Variants in CPS1 observed in about 807,000 individuals in gnomAD.
CPS1 encodes carbamoyl-phosphate synthase [ammonia], mitochondrial.
In CPS1, 109 loss-of-function variants were observed where a neutral mutation model predicts 174.6. The observed-to-expected ratio is 0.62, with a 90% CI of 0.53 to 0.73. CPS1 has a LOEUF of 0.73. Among genes scored for constraint, CPS1 ranks in the 30% least tolerant of loss-of-function variants. CPS1 has a pLI of 0.00. For synonymous variants in CPS1, 637 were observed against 632.0 expected, an observed-to-expected ratio of 1.01 and a Z score of -0.12; for missense variants, 1,689 against 1,821.9, an observed-to-expected ratio of 0.93 and a Z score of 1.33.
intron 21 of CPS1, among the ~76,000 whole-genome samples, chr2:210,626,721 C>T (rs954512453): frequency 6.6e-6 from 1 of 152,058 alleles, no homozygotes; most frequent in African/African-American, 2.4e-5. Context: ...CAAATTTTTG[C>T]ATTTTCTGAG....
At chr2:210,648,975 ATAAAT>A (rs1220194845) in intron 27 of CPS1, among the ~76,000 whole-genome samples, 1 of 152,212 alleles carries the variant, frequency 6.6e-6, no homozygotes, top group Non-Finnish European at 1.5e-5. Flanking sequence ...TGTTTAATAG[ATAAAT>A]TATAAGGGTG....
intron 21 of CPS1, among the ~76,000 whole-genome samples, chr2:210,626,993 T>C (rs1200612652): frequency 6.6e-6 from 1 of 152,142 alleles, no homozygotes; most frequent in East Asian, 1.9e-4. Flanking sequence ...AAACAAGGAA[T>C]CTAGCCCAGG....
chr2:210,555,795 A>G (rs1696895640), upstream of CPS1: 2 of 389,860 alleles, frequency 5.1e-6, no homozygotes, highest in Non-Finnish European at 1.0e-5. Context: ...AGCCTGGTTA[A>G]ACATGGGACT....
At chr2:210,513,195 C>T in intron 1 of CPS1, among the ~76,000 whole-genome samples, 1 of 145,910 alleles carries the variant, frequency 6.9e-6, no homozygotes, top group Admixed American at 6.9e-5. Context: ...TCTCTCTCTC[C>T]ATAATGGGAT....
rs576580681 is a variant in CPS1 at position 210,520,351 on chromosome 2, G to A, written c.4-36368G>A. Reference sequence around the variant, plus strand: ...TGAGATACATGTGCAGAACATGCAGGTTTGTTACATAGGTATATATGTGCC... The same window carrying A: ...TGAGATACATGTGCAGAACATGCAGATTTGTTACATAGGTATATATGTGCC... On this transcript the variant is annotated intron_variant, in intron 1 of 38. Coordinates refer to the CPS1 transcript ENST00000430249. Among the ~76,000 whole-genome samples the A allele has an allele frequency of 2.0e-5, 3 of 152,074 alleles. No homozygotes were observed. The South Asian group carries it at 6.2e-4, about 32-fold the overall frequency.
In CPS1 at chr2:210,648,552, T is replaced by A. The variant is rs1217803977; in HGVS notation, c.3404+12T>A. 1 of 1,609,962 alleles carries A rather than the reference T, an allele frequency of 6.2e-7. No homozygotes were observed. Among genetic ancestry groups the A allele is most frequent in the African/African-American group, 1.3e-5 (1 of 74,844 alleles). On this transcript the variant is annotated intron_variant, in intron 27 of 37. Coordinates refer to ENST00000233072, the MANE Select transcript of CPS1 (RefSeq NM_001875.5). ...TCCTATGTTTTGAGGTAACACTGTA[T>A]ATTGTTTTCCAAAACAATGATTCAA...
chr2:210,488,674 T>G (rs1694787913), intron 1 of CPS1, among the ~76,000 whole-genome samples: 1 of 152,206 alleles, frequency 6.6e-6, no homozygotes, highest in African/African-American at 2.4e-5. Flanking sequence ...ACTGTACAAA[T>G]TCCACCTATC....
In CPS1 at chr2:210,556,772, A is replaced by C. The variant is rs755098080; in HGVS notation, c.39A>C (p.Thr13=). The C allele has an allele frequency of 1.3e-5, 21 of 1,613,156 alleles. No homozygotes were observed. Among genetic ancestry groups the C allele is most frequent in the Non-Finnish European group, 1.7e-5 (20 of 1,179,362 alleles). The change falls in exon 1 of 38, where the codon ACA becomes ACC. Residue 13 remains threonine (T), a synonymous_variant. Coordinates refer to ENST00000233072, the MANE Select transcript of CPS1 (RefSeq NM_001875.5). ...RILTAFKVVR[T]LKTGFGFTNV... is the part of the protein sequence containing the mutation. ...TGACAGCTTTCAAAGTGGTGAGGAC[A>C]CTGAAGACTGGTTTTGGCTTTACCA...
intron 1 of CPS1, among the ~76,000 whole-genome samples, chr2:210,537,100 A>T (rs1351004756): frequency 3.3e-5 from 5 of 152,206 alleles, no homozygotes; most frequent in Admixed American, 6.5e-5. Context: ...GTACTTTGAC[A>T]TGCTGATAAG....
At chr2:210,531,880 C>T (rs991130620) in intron 1 of CPS1, among the ~76,000 whole-genome samples, 16 of 152,040 alleles carry the variant, frequency 1.1e-4, no homozygotes, top group Non-Finnish European at 1.6e-4. Context: ...AGGTGAACAC[C>T]TTGAATACAG....
intron 1 of CPS1, among the ~76,000 whole-genome samples, chr2:210,524,345 G>A (rs1695914048): frequency 6.6e-6 from 1 of 152,000 alleles, no homozygotes; most frequent in African/African-American, 2.4e-5. Context: ...TAGAAACAAG[G>A]TATTAAATTA....
Position 210,606,810 on chromosome 2 carries a change from T to C in CPS1, c.2061T>C (p.Val687=), listed in dbSNP as rs771497233. The change falls in exon 18 of 38, where the codon GTT becomes GTC. Residue 687 remains valine (V), a synonymous_variant. Transcript: ENST00000233072. The part of the protein sequence containing the change: ...FQMLRRTSIN[V]VRHLGIVGEC... ...TGTTGAGACGTACTTCAATCAATGTTGTTCGCCACTTGGGCATTGTGGGTG... is the reference window on the plus strand; with the variant it reads ...TGTTGAGACGTACTTCAATCAATGTCGTTCGCCACTTGGGCATTGTGGGTG... The C allele has an allele frequency of 2.5e-6, 4 of 1,612,548 alleles. No individual in the cohort carries two copies. In the South Asian group the frequency reaches 4.4e-5, roughly 18 times the overall value.
intron 18 of CPS1, 141 bp from the exon 19 acceptor site, chr2:210,608,220 A>G: frequency 1.4e-6 from 1 of 739,544 alleles, no homozygotes; most frequent in Non-Finnish European, 2.2e-6. Flanking sequence ...GCTACTAAAT[A>G]TTGATGCAGA....
chr2:210,562,356 C>T (rs1697130390), intron 1 of CPS1, among the ~76,000 whole-genome samples: 1 of 152,066 alleles, frequency 6.6e-6, no homozygotes, highest in Non-Finnish European at 1.5e-5. Flanking sequence ...TGTGGTAAGG[C>T]CTAATTGATT....
intron 1 of CPS1, among the ~76,000 whole-genome samples, chr2:210,492,785 T>G (rs1208587808): frequency 6.6e-6 from 1 of 152,112 alleles, no homozygotes; most frequent in Non-Finnish European, 1.5e-5. Flanking sequence ...GGAGTACTGT[T>G]TTAACAAACA....
chr2:210,659,738 A>G (rs776415552), intron 31 of CPS1, among the ~76,000 whole-genome samples: 2 of 152,242 alleles, frequency 1.3e-5, no homozygotes, highest in Non-Finnish European at 2.9e-5. Flanking sequence ...GTAGAAAACT[A>G]TAAAGTAGAG....
intron 21 of CPS1, among the ~76,000 whole-genome samples, chr2:210,630,103 A>C (rs1347800155): frequency 6.6e-6 from 1 of 151,370 alleles, no homozygotes; most frequent in Non-Finnish European, 1.5e-5. Flanking sequence ...AAAAAAAAAA[A>C]ACAAAACCAT....
rs373150568 is a variant in CPS1, at chr2:210,488,083, C to T, written c.3+10317C>T. ...CTGGATTTGAGACTAATTGAATCTGCGTTGAAATGGCCTTTTCCTTTCTTT... is the reference window on the plus strand; with the variant it reads ...CTGGATTTGAGACTAATTGAATCTGTGTTGAAATGGCCTTTTCCTTTCTTT... On this transcript the variant is annotated intron_variant, in intron 1 of 38. Transcript: ENST00000430249. 7.9e-5 allele frequency among the ~76,000 whole-genome samples: 12 copies of T among 152,218 alleles called. No homozygotes were observed. The Middle Eastern group carries it at 0.01, about 129-fold the overall frequency.
At chr2:210,555,439 T>C (rs551604703), upstream of CPS1, among the ~76,000 whole-genome samples, 12 of 152,198 alleles carry the variant, frequency 7.9e-5, no homozygotes, top group Admixed American at 2.0e-4. Context: ...AGTATGAGCC[T>C]ATTTTGTTTA....
Sources: allele counts gnomAD v4.1 joint callset (sites outside exome capture counted in the v4.1 genomes callset), GRCh38; gene constraint gnomAD v4.1.1; transcripts MANE v1.5; gene names NCBI Gene and HGNC (gene_info 2026-07-23, HGNC 2026-07-21).